Variants in PARD3 observed in about 807,000 individuals in gnomAD.
PARD3 encodes the protein par-3 family cell polarity regulator, also known as partitioning defective 3 homolog.
In PARD3, 75 loss-of-function variants were observed where a neutral mutation model predicts 155.4. That is an observed-to-expected ratio of 0.48 (90% CI 0.40 to 0.58). The LOEUF is 0.58. Ranked by LOEUF, PARD3 falls within the 20% of genes least tolerant of loss-of-function variation. PARD3 has a pLI of 0.00. For synonymous variants in PARD3, 576 were observed against 610.5 expected (o/e 0.94, Z 0.83); for missense variants, 1,642 against 1,721.7 (o/e 0.95, Z 0.82).
At chr10:34,384,349 G>A (rs117300707) in intron 7 of PARD3, 95 bp from the exon 8 acceptor site, 25,007 of 1,170,542 alleles carry the variant, frequency 0.021, 346 homozygotes, top group South Asian at 0.027. Flanking sequence ...TTACAAAGAT[G>A]TCCTTACAAA....
Position 34,359,168 on chromosome 10 carries a change from C to T in PARD3, c.2046G>A (p.Arg682=), listed in dbSNP as rs1327300464. ...TTACCTCATTGCACTTGCTTATTCT[C>T]CTTGCAACAATAAGCTGGATCATTC... ...KRGMIQLIVA[R]RISKCNELKS... The change falls in exon 14 of 25, where the codon AGG becomes AGA. Residue 682 remains arginine, a synonymous_variant. Coordinates refer to ENST00000374788, the MANE Select transcript of PARD3 (RefSeq NM_001184785.2). 2 of 1,613,222 alleles carry T rather than the reference C, an allele frequency of 1.2e-6. No homozygotes were observed. The highest frequency in any genetic ancestry group is 1.3e-5 in the African/African-American group (1 of 74,878).
intron 24 of PARD3, among the ~76,000 whole-genome samples, chr10:34,115,722 T>C (rs564217625): frequency 6.1e-4 from 93 of 151,942 alleles, no homozygotes; most frequent in African/African-American, 2.1e-3. Context: ...CTTTTTTTTT[T>C]TTTTCTTTGA....
intron 3 of PARD3, among the ~76,000 whole-genome samples, chr10:34,511,728 G>A (rs2081410399): frequency 6.6e-6 from 1 of 152,088 alleles, no homozygotes; most frequent in African/African-American, 2.4e-5. Flanking sequence ...ACACAGAATA[G>A]ATTTCTTTTT....
At chr10:34,199,794 C>A (rs1298031096) in intron 22 of PARD3, among the ~76,000 whole-genome samples, 1 of 152,094 alleles carries the variant, frequency 6.6e-6, no homozygotes, top group African/African-American at 2.4e-5. Flanking sequence ...GTAACTGGGC[C>A]ATAAAATGAG....
At chr10:34,229,947 T>C (rs748041476) in intron 22 of PARD3, among the ~76,000 whole-genome samples, 3 of 152,146 alleles carry the variant, frequency 2.0e-5, no homozygotes, top group Admixed American at 2.0e-4. Flanking sequence ...GCTTTTGTCA[T>C]GTGGCTCTCA....
chr10:34,725,056 A>G (rs1229947308), intron 1 of PARD3, among the ~76,000 whole-genome samples: 4 of 151,996 alleles, frequency 2.6e-5, no homozygotes, highest in African/African-American at 9.7e-5. Flanking sequence ...GTGAGTAACA[A>G]GAGTCCCTTA....
chr10:34,787,772 T>C (rs1441013829), intron 1 of PARD3, among the ~76,000 whole-genome samples: 1 of 146,262 alleles, frequency 6.8e-6, no homozygotes, highest in African/African-American at 2.6e-5. Flanking sequence ...GCAACCAACA[T>C]CCTTTTTTTT....
intron 14 of PARD3, among the ~76,000 whole-genome samples, chr10:34,353,038 C>G (rs1313490761): frequency 6.6e-6 from 1 of 151,054 alleles, no homozygotes; most frequent in Admixed American, 6.6e-5. Context: ...CCGGCCGCCC[C>G]GTCTGAGAAG....
intron 22 of PARD3, among the ~76,000 whole-genome samples, chr10:34,207,105 G>A (rs1003509156): frequency 6.6e-6 from 1 of 152,110 alleles, no homozygotes; most frequent in Non-Finnish European, 1.5e-5. Context: ...GGATGGGTGA[G>A]GCCTCTCTGC....
chr10:34,616,082 G>A (rs2091233213), intron 2 of PARD3, among the ~76,000 whole-genome samples: 1 of 152,154 alleles, frequency 6.6e-6, no homozygotes, highest in South Asian at 2.1e-4. Flanking sequence ...ACTTTAGGAG[G>A]CAGAGGCGGG....
In PARD3 at chr10:34,498,667, C is replaced by T. The variant is rs2080456946; in HGVS notation, c.403+18312G>A. 3.9e-5 allele frequency among the ~76,000 whole-genome samples: 6 copies of T among 152,144 alleles called. No individual in the cohort carries two copies. In the South Asian group the frequency reaches 1.2e-3, roughly 31 times the overall value. ...TGGTGCACACCTGTAATCCCAGCTACCTGAGAAGCTGAGACACAATAATCT... is the reference window on the plus strand; with the variant it reads ...TGGTGCACACCTGTAATCCCAGCTATCTGAGAAGCTGAGACACAATAATCT... On this transcript the variant is annotated intron_variant, in intron 3 of 24. Transcript: ENST00000374788.
intron 22 of PARD3, among the ~76,000 whole-genome samples, chr10:34,268,225 T>G (rs1001000175): frequency 5.9e-5 from 9 of 152,042 alleles, no homozygotes; most frequent in African/African-American, 2.2e-4. Context: ...AAAACCATAA[T>G]GAGATACCAT....
chr10:34,555,999 A>G (rs1395559897), intron 2 of PARD3, among the ~76,000 whole-genome samples: 1 of 152,248 alleles, frequency 6.6e-6, no homozygotes, highest in African/African-American at 2.4e-5. Context: ...ACTTGTGGCT[A>G]GAACTATGAT....
chr10:34,651,386 A>G (rs1411029270), intron 2 of PARD3, among the ~76,000 whole-genome samples: 3 of 152,206 alleles, frequency 2.0e-5, no homozygotes, highest in Non-Finnish European at 4.4e-5. Flanking sequence ...CAGAGGAAGA[A>G]GCCTGCACAT....
rs568040807 is a variant in PARD3 at position 34,498,533 on chromosome 10, T to G, written c.403+18446A>C. On this transcript the variant is annotated intron_variant, in intron 3 of 24. Transcript: ENST00000374788. ...TGCTCACACCTGTAATTTCAGCACT[T>G]TGGGAGGCCAAGGCAGGAGGATTGC... Among the ~76,000 whole-genome samples the G allele has an allele frequency of 8.5e-5, 13 of 152,272 alleles. No individual in the cohort carries two copies. The South Asian group carries it at 1.5e-3, about 17-fold the overall frequency.
chr10:34,722,317 C>T (rs954736797), intron 1 of PARD3, among the ~76,000 whole-genome samples: 46 of 151,994 alleles, frequency 3.0e-4, no homozygotes, highest in African/African-American at 1.1e-3. Flanking sequence ...AAGATTTGCC[C>T]GTCACCACAC....
chr10:34,389,048 G>C (rs991599943), intron 7 of PARD3, among the ~76,000 whole-genome samples: 2 of 151,846 alleles, frequency 1.3e-5, no homozygotes, highest in African/African-American at 2.4e-5. Context: ...CAAGCAAATG[G>C]ATTTTTCCTG....
intron 9 of PARD3, 118 bp downstream of exon 9, chr10:34,382,421 GA>G: frequency 2.1e-6 from 2 of 932,098 alleles, no homozygotes; most frequent in Admixed American, 4.8e-5. Flanking sequence ...AAAATAATTA[GA>G]TAAGACTCAG....
intron 2 of PARD3, among the ~76,000 whole-genome samples, chr10:34,577,682 T>A (rs1438274518): frequency 2.6e-5 from 4 of 152,002 alleles, no homozygotes; most frequent in Non-Finnish European, 5.9e-5. Context: ...TGAAAAAAAA[T>A]TTCATCACTA....
Sources: gnomAD v4.1 joint callset for allele counts (sites outside exome capture counted in the v4.1 genomes callset) on GRCh38, gnomAD v4.1.1 for gene constraint, MANE v1.5 for transcripts, NCBI Gene and HGNC (gene_info 2026-07-23, HGNC 2026-07-21) for gene names.